Variants in EFCAB11 observed in about 807,000 individuals in gnomAD.
EFCAB11 encodes EF-hand calcium binding domain 11, also known as EF-hand calcium-binding domain-containing protein 11.
A neutral mutation model predicts 23.0 loss-of-function variants in EFCAB11; 14 were observed. The observed-to-expected ratio is 0.61, with a 90% confidence interval of 0.40 to 0.95. EFCAB11 has a LOEUF of 0.95. Among genes scored for constraint, EFCAB11 ranks in the 40% least tolerant of loss-of-function variants. The probability of loss-of-function intolerance (pLI) is 0.00; values close to 1 mark genes in which losing one functional copy is unlikely to be tolerated. For synonymous variants in EFCAB11, 65 were observed against 66.6 expected (o/e 0.98, Z 0.11); for missense variants, 198 against 195.8 (o/e 1.01, Z -0.07).
chr14:89,873,243 C>T (rs944664139), intron 5 of EFCAB11, among the ~76,000 whole-genome samples: 10 of 152,108 alleles, frequency 6.6e-5, no homozygotes, highest in Non-Finnish European at 1.5e-4. Context: ...GTTTATAAAA[C>T]CATCAGATCT....
intron 5 of EFCAB11, chr14:89,892,384 C>T (rs757237364): frequency 1.2e-6 from 2 of 1,604,486 alleles, no homozygotes; most frequent in Non-Finnish European, 1.7e-6. Flanking sequence ...GGCTCATCCA[C>T]AAGACCCAAA....
intron 3 of EFCAB11, among the ~76,000 whole-genome samples, chr14:89,946,813 A>G (rs934814987): frequency 4.6e-5 from 7 of 151,868 alleles, no homozygotes; most frequent in Non-Finnish European, 8.8e-5. Flanking sequence ...CCTGGCATCA[A>G]GCAATCCTCC....
chr14:89,854,178 G>T (rs1887679421), intron 5 of EFCAB11, among the ~76,000 whole-genome samples: 1 of 149,062 alleles, frequency 6.7e-6, no homozygotes, highest in Non-Finnish European at 1.5e-5. Context: ...AGATAAGCAT[G>T]AATTTGCGGT....
chr14:89,871,725 A>C (rs1003303240), intron 5 of EFCAB11, among the ~76,000 whole-genome samples: 5 of 152,150 alleles, frequency 3.3e-5, no homozygotes, highest in Non-Finnish European at 7.3e-5. Context: ...TCCCTGCATT[A>C]CTAACATACT....
chr14:89,953,533 G>A (rs1007640733), intron 2 of EFCAB11, among the ~76,000 whole-genome samples: 1 of 152,182 alleles, frequency 6.6e-6, no homozygotes, highest in Non-Finnish European at 1.5e-5. Flanking sequence ...TTTTTTGACC[G>A]TGGATGTATT....
intron 5 of EFCAB11, among the ~76,000 whole-genome samples, chr14:89,927,755 C>T (rs1469020652): frequency 2.0e-5 from 3 of 150,862 alleles, no homozygotes; most frequent in Admixed American, 6.6e-5. Context: ...GAGTCTCGCT[C>T]TTGTTGCCCA....
chr14:89,859,719 A>G (rs1318956168), intron 5 of EFCAB11, among the ~76,000 whole-genome samples: 1 of 152,170 alleles, frequency 6.6e-6, no homozygotes, highest in Non-Finnish European at 1.5e-5. Flanking sequence ...TTAGGAGGGT[A>G]AGAGAGTTGG....
At chr14:89,804,107 C>T (rs1269101729) in intron 5 of EFCAB11, among the ~76,000 whole-genome samples, 1 of 152,214 alleles carries the variant, frequency 6.6e-6, no homozygotes, top group African/African-American at 2.4e-5. Context: ...GAAAGCCTCA[C>T]CCGAGCCAGT....
intron 5 of EFCAB11, among the ~76,000 whole-genome samples, chr14:89,848,116 T>C (rs1258730449): frequency 6.6e-6 from 1 of 152,226 alleles, no homozygotes; most frequent in Non-Finnish European, 1.5e-5. Flanking sequence ...ATAATCATAA[T>C]AGCTCTCTCA....
chr14:89,933,360 T>C (rs1433702387), intron 3 of EFCAB11, among the ~76,000 whole-genome samples: 1 of 152,220 alleles, frequency 6.6e-6, no homozygotes, highest in Non-Finnish European at 1.5e-5. Context: ...AACTGAGCTC[T>C]ACATATATAA....
intron 5 of EFCAB11, among the ~76,000 whole-genome samples, chr14:89,837,861 G>C (rs1033656934): frequency 7.2e-5 from 11 of 152,064 alleles, no homozygotes; most frequent in African/African-American, 2.4e-4. Flanking sequence ...AGCTGTGGGG[G>C]TGATATCAGT....
intron 5 of EFCAB11, among the ~76,000 whole-genome samples, chr14:89,837,812 C>A (rs928851930): frequency 6.6e-6 from 1 of 151,954 alleles, no homozygotes; most frequent in Non-Finnish European, 1.5e-5. Flanking sequence ...AATATGAATC[C>A]TGAGCATGAC....
chr14:89,857,079 G>A (rs928756711), intron 5 of EFCAB11, among the ~76,000 whole-genome samples: 1 of 152,172 alleles, frequency 6.6e-6, no homozygotes. Context: ...TATAGACCTG[G>A]CTTTGAAGCT....
At chr14:89,834,387 A>C (rs1437032430) in intron 5 of EFCAB11, among the ~76,000 whole-genome samples, 1 of 149,254 alleles carries the variant, frequency 6.7e-6, no homozygotes, top group South Asian at 2.1e-4. Flanking sequence ...AAAAAAAAAA[A>C]AAAAAAAAAA....
At chr14:89,917,088 GTGTGTGTGTA>G (rs1369631868) in intron 5 of EFCAB11, among the ~76,000 whole-genome samples, 7,457 of 133,428 alleles carry the variant, frequency 0.056, 503 homozygotes, top group African/African-American at 0.22. Context: ...GTGTGTGTGT[GTGTGTGTGTA>G]TGTGTGTGTT....
At chr14:89,885,887 T>TC (rs1888755194) in intron 5 of EFCAB11, among the ~76,000 whole-genome samples, 1 of 150,668 alleles carries the variant, frequency 6.6e-6, no homozygotes, top group Non-Finnish European at 1.5e-5. Context: ...TTTTTCTTTT[T>TC]TTTTCTTTGG....
rs915634250 is a variant in EFCAB11, at chr14:89,797,108, C to T, written c.*135G>A. 3.5e-5 allele frequency: 24 copies of T among 679,918 alleles called. No homozygotes were observed. The highest frequency in any genetic ancestry group is 5.3e-5 in the Non-Finnish European group (22 of 413,522). The allele number at this position is 679,918 out of a possible 1,614,324, so 42.1% of individuals were successfully genotyped here. A position where few individuals can be genotyped will look rare whatever the true frequency, so the allele number is the denominator to read the frequency against. On this transcript the variant is annotated 3_prime_UTR_variant, in exon 6 of 6. Coordinates refer to ENST00000316738, the MANE Select transcript of EFCAB11 (RefSeq NM_145231.4). Reference sequence around the variant, plus strand: ...GTGTGTATGTATACATATGCACCTACTATGTACCCACAAAAATTAAAAATT... The same window carrying T: ...GTGTGTATGTATACATATGCACCTATTATGTACCCACAAAAATTAAAAATT...
chr14:89,806,319 G>C (rs1885966623), intron 5 of EFCAB11, among the ~76,000 whole-genome samples: 1 of 152,084 alleles, frequency 6.6e-6, no homozygotes, highest in South Asian at 2.1e-4. Context: ...GTAGACATGT[G>C]GATAAATGCA....
At chr14:89,951,911 C>T (rs1381178466) in intron 2 of EFCAB11, among the ~76,000 whole-genome samples, 1 of 152,122 alleles carries the variant, frequency 6.6e-6, no homozygotes, top group African/African-American at 2.4e-5. Context: ...GGTGACAGAG[C>T]AAGACTGCAT....
Sources: allele counts gnomAD v4.1 joint callset (sites outside exome capture counted in the v4.1 genomes callset), GRCh38; gene constraint gnomAD v4.1.1; transcripts MANE v1.5; gene names NCBI Gene and HGNC (gene_info 2026-07-23, HGNC 2026-07-21).